Variants in FERMT2 observed in about 807,000 individuals in gnomAD.
FERMT2 encodes the protein FERM domain containing kindlin 2, also known as fermitin family homolog 2.
A neutral mutation model predicts 82.7 loss-of-function variants in FERMT2; 15 were observed. The ratio of observed to expected loss-of-function variants is 0.18; its 90% confidence interval spans 0.12 to 0.28. The LOEUF (loss-of-function observed/expected upper bound fraction) is 0.28, where lower values mean the gene tolerates loss of function less well. Ranked by LOEUF, FERMT2 falls within the 10% of genes least tolerant of loss-of-function variation. FERMT2 has a pLI of 1.00. For missense variants in FERMT2, 645 were observed against 809.4 expected, an observed-to-expected ratio of 0.80 and a Z score of 2.46; for synonymous variants, 274 against 271.5, an observed-to-expected ratio of 1.01 and a Z score of -0.09.
chr14:52,880,801 A>C (rs1372346953), intron 6 of FERMT2, among the ~76,000 whole-genome samples: 8 of 152,168 alleles, frequency 5.3e-5, no homozygotes, highest in African/African-American at 1.9e-4. Context: ...AAATCAGCCA[A>C]AAGTTTCATT....
chr14:52,924,272 T>C (rs1211475766), intron 2 of FERMT2, among the ~76,000 whole-genome samples: 1 of 152,158 alleles, frequency 6.6e-6, no homozygotes, highest in Non-Finnish European at 1.5e-5. Context: ...TCACAGTGCA[T>C]GGTTTAGGTG....
intron 3 of FERMT2, among the ~76,000 whole-genome samples, chr14:52,898,029 C>T (rs1023387887): frequency 1.4e-5 from 2 of 147,016 alleles, no homozygotes; most frequent in African/African-American, 5.0e-5. Flanking sequence ...GAAAGAAACA[C>T]TGTGGGACAT....
rs934797006 is a variant in FERMT2, at chr14:52,875,253, A to C, written c.1068T>G (p.Thr356=). The change falls in exon 8 of 15, where the codon ACT becomes ACG. Residue 356 remains threonine (T), a synonymous_variant. Transcript: ENST00000341590. ...TTGTTGACGTTTTACCCCCTTCCAG[A>C]GTAATCTCCAGGTCTGAAAGGGCAG... ...VDAALSDLEI[T]LEGGKTSTIL... is the part of the protein sequence containing the mutation. 14 of 1,611,504 alleles carry C rather than the reference A, an allele frequency of 8.7e-6. No homozygotes were observed. Among genetic ancestry groups the C allele is most frequent in the Non-Finnish European group, 1.2e-5 (14 of 1,179,192 alleles).
chr14:52,930,284 CAA>C (rs1889501729), intron 2 of FERMT2, among the ~76,000 whole-genome samples: 1 of 152,138 alleles, frequency 6.6e-6, no homozygotes, highest in Admixed American at 6.5e-5. Context: ...CTCTATTGTG[CAA>C]AGTGTTTATG....
intron 3 of FERMT2, among the ~76,000 whole-genome samples, chr14:52,902,927 C>CAAAAAAAAA (rs761269935): frequency 1.6e-5 from 1 of 63,868 alleles, no homozygotes; most frequent in Non-Finnish European, 3.2e-5. Flanking sequence ...TGATAGCCAC[C>CAAAAAAAAA]AAAAAAAAAA....
intron 7 of FERMT2, among the ~76,000 whole-genome samples, chr14:52,876,863 C>CT (rs1305846867): frequency 6.6e-6 from 1 of 152,116 alleles, no homozygotes; most frequent in Non-Finnish European, 1.5e-5. Context: ...TTCCTACAAC[C>CT]TTAGGGTCAG....
At chr14:52,881,014 G>A in intron 6 of FERMT2, 22 bp downstream of exon 6, 3 of 1,445,616 alleles carry the variant, frequency 2.1e-6, no homozygotes, top group South Asian at 1.3e-5. Context: ...AAAAAAAAAA[G>A]ATCCCTTTAA....
At chr14:52,918,989 G>A in intron 3 of FERMT2, 134 bp downstream of exon 3, 1 of 528,884 alleles carries the variant, frequency 1.9e-6, no homozygotes, top group East Asian at 2.9e-5. Flanking sequence ...CTTTAATGAA[G>A]TAGAAATTTC....
chr14:52,933,576 G>A (rs7145206), intron 2 of FERMT2, among the ~76,000 whole-genome samples: 230 of 151,810 alleles, frequency 1.5e-3, no homozygotes, highest in African/African-American at 5.1e-3. Context: ...CGGGCATGGT[G>A]GCACATGCCT....
intron 3 of FERMT2, among the ~76,000 whole-genome samples, chr14:52,902,893 C>CAAAAA (rs1887753385): frequency 2.7e-5 from 1 of 36,944 alleles, no homozygotes; most frequent in Non-Finnish European, 6.0e-5. Flanking sequence ...AAAAAAAAAC[C>CAAAAA]CCAAAACACT....
chr14:52,942,584 G>A (rs1890144020), intron 2 of FERMT2, among the ~76,000 whole-genome samples: 1 of 151,910 alleles, frequency 6.6e-6, no homozygotes. Flanking sequence ...TTACAGGCGT[G>A]AGCCACCCCG....
chr14:52,872,739 T>A, intron 10 of FERMT2, 60 bp downstream of exon 10: 1 of 1,566,494 alleles, frequency 6.4e-7, no homozygotes, highest in African/African-American at 1.4e-5. Flanking sequence ...AAGTGGCTCA[T>A]TGACTATTAG....
rs748225738 is a variant in FERMT2 at position 52,864,444 on chromosome 14, C to T, written c.1559G>A (p.Cys520Tyr). 1.9e-6 allele frequency: 3 copies of T among 1,614,130 alleles called. No individual in the cohort carries two copies. The highest frequency in any genetic ancestry group is 2.2e-5 in the South Asian group (2 of 91,080). ...EQITTDITPE[C>Y]LVSPRYLKKY... ...TTTTAGATAGCGGGGAGACACCAAACATTCAGGAGTTATATCAGTCGTGAT... is the reference window on the plus strand; with the variant it reads ...TTTTAGATAGCGGGGAGACACCAAATATTCAGGAGTTATATCAGTCGTGAT... Residue 520 changes from cysteine (C) to tyrosine (Y), a missense_variant, in exon 12 of 15, where the codon TGT becomes TAT. Cys to Tyr is a radical substitution (Grantham distance 194, BLOSUM62 -2). Transcript: ENST00000341590.
chr14:52,871,911 T>C (rs751270441), intron 10 of FERMT2: 7 of 152,246 alleles, frequency 4.6e-5, no homozygotes, highest in African/African-American at 1.7e-4. Context: ...CCGAGGAATA[T>C]CCTGAAGCGG....
intron 10 of FERMT2, among the ~76,000 whole-genome samples, chr14:52,869,984 A>C (rs974250891): frequency 2.6e-5 from 4 of 152,198 alleles, no homozygotes; most frequent in African/African-American, 4.8e-5. Context: ...ATACAAAAAA[A>C]CATATAGAAT....
chr14:52,928,633 C>CCAAGGGTG (rs1889415001), intron 2 of FERMT2, among the ~76,000 whole-genome samples: 1 of 152,156 alleles, frequency 6.6e-6, no homozygotes, highest in South Asian at 2.1e-4. Flanking sequence ...GGCAGACTGC[C>CCAAGGGTG]CAAGACACCC....
At chr14:52,934,081 C>T (rs1269004679) in intron 2 of FERMT2, among the ~76,000 whole-genome samples, 1 of 152,194 alleles carries the variant, frequency 6.6e-6, no homozygotes, top group Non-Finnish European at 1.5e-5. Context: ...AATTTCCCCA[C>T]TAGATTAAGT....
At position 52,914,554 on chromosome 14, in the gene FERMT2, T is replaced by C. The variant is rs553415081; in HGVS notation, c.391+4569A>G. On this transcript the variant is annotated intron_variant, in intron 3 of 14. Transcript: ENST00000341590. ...AATCCAATACCATAAGATAAAGAAA[T>C]AAGATGTATAAAAATGGGAAAGGAA... Among the ~76,000 whole-genome samples the C allele has an allele frequency of 2.6e-5, 4 of 152,032 alleles. No homozygotes were observed. In the East Asian group the frequency reaches 7.7e-4, roughly 29 times the overall value.
intron 12 of FERMT2, chr14:52,861,063 A>C: frequency 6.7e-7 from 1 of 1,499,576 alleles, no homozygotes; most frequent in South Asian, 1.4e-5. Flanking sequence ...GGAAAGAAAA[A>C]GGAAGCAGAA....
Sources: allele counts gnomAD v4.1 joint callset (sites outside exome capture counted in the v4.1 genomes callset), GRCh38; gene constraint gnomAD v4.1.1; transcripts MANE v1.5; gene names NCBI Gene and HGNC (gene_info 2026-07-23, HGNC 2026-07-21).